The following ROR2 variants were observed in gnomAD, a reference collection of about 807,000 sequenced individuals.
The protein encoded by ROR2 is tyrosine-protein kinase transmembrane receptor ROR2.
In ROR2, 33 loss-of-function variants were observed where a neutral mutation model predicts 74.9. The ratio of observed to expected loss-of-function variants is 0.44; its 90% CI spans 0.33 to 0.59. The LOEUF (loss-of-function observed/expected upper bound fraction) is 0.59, where lower values mean the gene tolerates loss of function less well. Among genes scored for constraint, ROR2 ranks in the 20% least tolerant of loss-of-function variants. The pLI, the probability that ROR2 is intolerant of heterozygous loss-of-function variation, is 0.02. For synonymous variants in ROR2, 586 were observed against 558.7 expected, an observed-to-expected ratio of 1.05 and a Z score of -0.69; for missense variants, 1,216 against 1,313.8, an observed-to-expected ratio of 0.93 and a Z score of 1.15.
At chr9:91,814,131 T>A (rs572957914) in intron 1 of ROR2, among the ~76,000 whole-genome samples, 1 of 152,264 alleles carries the variant, frequency 6.6e-6, no homozygotes, top group Admixed American at 6.5e-5. Flanking sequence ...GAGGTTGCAG[T>A]GAGCAGAGAT....
chr9:91,800,851 A>G (rs1339463190), intron 1 of ROR2, among the ~76,000 whole-genome samples: 6 of 152,236 alleles, frequency 3.9e-5, no homozygotes, highest in African/African-American at 1.4e-4. Context: ...GGAGCCCTTC[A>G]TGGGCTTCAG....
In ROR2 at chr9:91,734,512, G is replaced by C. The variant is rs1587667502; in HGVS notation, c.623-1076C>G. On this transcript the variant is annotated intron_variant, in intron 5 of 8. Coordinates refer to ENST00000375708, the MANE Select transcript of ROR2 (RefSeq NM_004560.4). ...GAGGGCTGTCAAGAATGCTGGCCTT[G>C]ACCTCCAGGCAAGGAAAGCGTGTAA... Among the ~76,000 whole-genome samples the C allele has an allele frequency of 2.6e-5, 4 of 152,302 alleles. 1 individual carries two copies. In the East Asian group the frequency reaches 7.7e-4, roughly 29 times the overall value.
chr9:91,839,275 T>TGTGTGTGTGTGTGTGTAAGTACAGGC lies in ROR2; in HGVS notation c.98-63458_98-63457insGCCTGTACTTACACACACACACACAC, dbSNP rs1554681709. ...GGGTGTGTGTGTGTGTGTGTGTGTG[T>TGTGTGTGTGTGTGTGTAAGTACAGGC]GTGTGTGTGTGTGTGTGTGTAAGTA... On this transcript the variant is annotated intron_variant, in intron 1 of 8. Transcript: ENST00000375708. 4.4e-3 allele frequency among the ~76,000 whole-genome samples: 641 copies of TGTGTGTGTGTGTGTGTAAGTACAGGC among 145,920 alleles called. 11 individuals carry two copies. Among genetic ancestry groups the TGTGTGTGTGTGTGTGTAAGTACAGGC allele is most frequent in the East Asian group, 0.033 (159 of 4,858 alleles).
At chr9:91,757,229 C>A (rs1825782665) in intron 3 of ROR2, 43 bp downstream of exon 3, 3 of 1,612,584 alleles carry the variant, frequency 1.9e-6, no homozygotes, top group Non-Finnish European at 2.5e-6. Context: ...TGGCTGGGAA[C>A]CTTCATATCT....
chr9:91,818,572 C>G (rs540788657), intron 1 of ROR2, among the ~76,000 whole-genome samples: 1 of 152,206 alleles, frequency 6.6e-6, no homozygotes, highest in South Asian at 2.1e-4. Context: ...TGAACCATTC[C>G]TAACAGAGCC....
chr9:91,764,819 C>G (rs937185131), intron 2 of ROR2, among the ~76,000 whole-genome samples: 2 of 152,164 alleles, frequency 1.3e-5, no homozygotes, highest in African/African-American at 2.4e-5. Context: ...TGAAAACATC[C>G]ATGACTTTCA....
chr9:91,800,395 T>C (rs1307673319), intron 1 of ROR2, among the ~76,000 whole-genome samples: 8 of 151,506 alleles, frequency 5.3e-5, no homozygotes, highest in African/African-American at 1.9e-4. Flanking sequence ...ATTTCTGTCA[T>C]CTGTGGTGTA....
chr9:91,778,155 G>T (rs551217951), intron 1 of ROR2, among the ~76,000 whole-genome samples: 151 of 152,360 alleles, frequency 9.9e-4, no homozygotes, highest in Admixed American at 2.5e-3. Context: ...CACACAAGCT[G>T]GGAGGAATGG....
rs1412149189 is a variant in ROR2, at chr9:91,723,604, A to C, written c.*58T>G. Reference sequence around the variant, plus strand: ...TATGGTGTCTTCTCAAAGGTGACTGAGGTCCCTGTGGGGTCTCGGCGGGGC... The same window carrying C: ...TATGGTGTCTTCTCAAAGGTGACTGCGGTCCCTGTGGGGTCTCGGCGGGGC... On this transcript the variant is annotated 3_prime_UTR_variant, in exon 9 of 9. Transcript: ENST00000375708. 1 of 1,597,238 alleles carries C rather than the reference A, an allele frequency of 6.3e-7. No individual in the cohort carries two copies. Among genetic ancestry groups the C allele is most frequent in the African/African-American group, 1.3e-5 (1 of 74,400 alleles).
chr9:91,774,569 T>G (rs902107822), intron 2 of ROR2, among the ~76,000 whole-genome samples: 1 of 152,110 alleles, frequency 6.6e-6, no homozygotes, highest in Admixed American at 6.5e-5. Context: ...AGAAAGCCAA[T>G]CACTGAAACA....
chr9:91,936,607 A>G (rs540053392), intron 1 of ROR2, among the ~76,000 whole-genome samples: 2 of 152,354 alleles, frequency 1.3e-5, no homozygotes, highest in East Asian at 3.9e-4. Flanking sequence ...AACCAATAAC[A>G]GTGTGATATT....
chr9:91,857,792 C>T (rs1368490182), intron 1 of ROR2, among the ~76,000 whole-genome samples: 1 of 152,190 alleles, frequency 6.6e-6, no homozygotes, highest in Non-Finnish European at 1.5e-5. Context: ...ACAGGGCAGC[C>T]CTTGTTTCCC....
intron 1 of ROR2, among the ~76,000 whole-genome samples, chr9:91,838,767 C>T (rs1408528562): frequency 6.6e-6 from 1 of 152,168 alleles, no homozygotes; most frequent in African/African-American, 2.4e-5. Flanking sequence ...CATTGTGTGT[C>T]CAAGCATTAA....
intron 2 of ROR2, among the ~76,000 whole-genome samples, chr9:91,772,766 A>G (rs1289591788): frequency 6.6e-6 from 1 of 152,176 alleles, no homozygotes; most frequent in Non-Finnish European, 1.5e-5. Flanking sequence ...TAAACCATTC[A>G]CTTGTGGGTT....
intron 1 of ROR2, among the ~76,000 whole-genome samples, chr9:91,789,110 T>C (rs10992109): frequency 0.09 from 13,731 of 152,188 alleles, 940 homozygotes; most frequent in East Asian, 0.29. Flanking sequence ...TTAATGTTGT[T>C]ACCACAATGA....
At chr9:91,805,719 A>C (rs139546098) in intron 1 of ROR2, among the ~76,000 whole-genome samples, 121 of 152,330 alleles carry the variant, frequency 7.9e-4, no homozygotes, top group African/African-American at 2.8e-3. Flanking sequence ...ACACCCACAC[A>C]CACACATATG....
intron 1 of ROR2, among the ~76,000 whole-genome samples, chr9:91,864,045 G>A (rs1051772488): frequency 3.3e-5 from 5 of 152,150 alleles, no homozygotes; most frequent in African/African-American, 1.2e-4. Flanking sequence ...AAAATAAGGT[G>A]GGTTCAGGAA....
At chr9:91,740,112 T>C (rs1306193528) in intron 4 of ROR2, among the ~76,000 whole-genome samples, 2 of 152,090 alleles carry the variant, frequency 1.3e-5, no homozygotes, top group African/African-American at 2.4e-5. Flanking sequence ...TGCAGGCTTC[T>C]CCCTGGCCGC....
At chr9:91,865,184 G>T (rs1044507201) in intron 1 of ROR2, among the ~76,000 whole-genome samples, 1 of 152,098 alleles carries the variant, frequency 6.6e-6, no homozygotes, top group African/African-American at 2.4e-5. Context: ...TTCTTTCACA[G>T]GACAACAAAG....
Sources: allele counts gnomAD v4.1 joint callset (sites outside exome capture counted in the v4.1 genomes callset), GRCh38; gene constraint gnomAD v4.1.1; transcripts MANE v1.5; gene names NCBI Gene and HGNC (gene_info 2026-07-23, HGNC 2026-07-21).